SLC6A6: variants seen among roughly 807,000 people sequenced by gnomAD.
SLC6A6 encodes solute carrier family 6 member 6, also known as sodium- and chloride-dependent taurine transporter.
In SLC6A6, 16 loss-of-function variants were observed where a neutral mutation model predicts 68.8. That is an observed-to-expected ratio of 0.23 (90% confidence interval 0.16 to 0.35). SLC6A6 has a LOEUF of 0.35. SLC6A6 is among the 10% of genes least tolerant of loss of function. SLC6A6 has a pLI of 1.00. For missense variants in SLC6A6, 474 were observed against 802.8 expected, an observed-to-expected ratio of 0.59 and a Z score of 4.95; for synonymous variants, 312 against 315.4, an observed-to-expected ratio of 0.99 and a Z score of 0.12.
In SLC6A6 at chr3:14,467,954, C is replaced by G; in HGVS notation, c.969C>G (p.Tyr323Ter). The stretch of plus-strand genomic sequence containing the variant: ...ACAACAAGTACAAGTATAACTCGTA[C>G]AGGCAAGTGTTGCGCCGGCGGGCCT... ...GSYNKYKYNS[Y>*]RDCMLLGCLN... The change falls in exon 8 of 15, where the codon TAC becomes TAG. Residue 323 changes from tyrosine (Y) to a stop codon, truncating the protein, a stop_gained and splice_region_variant. Coordinates refer to ENST00000622186, the MANE Select transcript of SLC6A6 (RefSeq NM_003043.6). LOFTEE classifies it high-confidence loss of function. 1 of 1,612,078 alleles carries G rather than the reference C, an allele frequency of 6.2e-7. No homozygotes were observed. Among genetic ancestry groups the G allele is most frequent in the Non-Finnish European group, 8.5e-7 (1 of 1,178,270 alleles).
rs575857011 is a variant in SLC6A6, at chr3:14,487,978, A to G, written c.*2971A>G. The G allele has an allele frequency of 6.5e-6, 1 of 152,752 alleles. No homozygotes were observed. Among genetic ancestry groups the G allele is most frequent in the Admixed American group, 6.5e-5 (1 of 15,300 alleles). The allele number at this position is 152,752 out of a possible 1,614,324, so 9.5% of individuals were successfully genotyped here. A position where few individuals can be genotyped will look rare whatever the true frequency, so the allele number is the denominator to read the frequency against. On this transcript the variant is annotated 3_prime_UTR_variant, in exon 15 of 15. Transcript: ENST00000622186. Reference sequence around the variant, plus strand: ...GCCACACTCCCACCATCCTCACAGAATTCCTGGACCCATGCGGTGGCTCCG... The same window carrying G: ...GCCACACTCCCACCATCCTCACAGAGTTCCTGGACCCATGCGGTGGCTCCG...
intron 14 of SLC6A6, among the ~76,000 whole-genome samples, chr3:14,484,350 A>G (rs955618539): frequency 6.6e-6 from 1 of 152,192 alleles, no homozygotes; most frequent in Non-Finnish European, 1.5e-5. Context: ...TGCCTTCAGG[A>G]AACTAGGGAA....
intron 6 of SLC6A6, among the ~76,000 whole-genome samples, chr3:14,459,210 CA>C (rs2124968857): frequency 6.6e-6 from 1 of 152,234 alleles, no homozygotes; most frequent in East Asian, 1.9e-4. Context: ...TCTTTAAGAT[CA>C]AAAAACCCCC....
Position 14,486,307 on chromosome 3 carries a change from C to T in SLC6A6, c.*1300C>T, listed in dbSNP as rs964217776. 1 of 152,636 alleles carries T rather than the reference C, an allele frequency of 6.6e-6. No homozygotes were observed. Among genetic ancestry groups the T allele is most frequent in the Admixed American group, 6.5e-5 (1 of 15,282 alleles). 9.5% of individuals were successfully genotyped at this position (152,636 alleles called of 1,614,324 possible). On this transcript the variant is annotated 3_prime_UTR_variant, in exon 15 of 15. Coordinates refer to ENST00000622186, the MANE Select transcript of SLC6A6 (RefSeq NM_003043.6). ...CCAAGAACAGCTTTTGAGTCTGTAT[C>T]CTCCACTGGGGGAAGTGCTCCCAGT... is the stretch of plus-strand genomic sequence containing the variant.
At chr3:14,463,650 G>A (rs1008763821) in intron 6 of SLC6A6, among the ~76,000 whole-genome samples, 5 of 152,256 alleles carry the variant, frequency 3.3e-5, no homozygotes, top group Non-Finnish European at 5.9e-5. Context: ...GAAGGGAGAG[G>A]CAGGTTGGTT....
chr3:14,477,074 G>A lies in SLC6A6; in HGVS notation c.1210-131G>A, dbSNP rs1700895300. Reference sequence around the variant, plus strand: ...TTCCACACTTGGACTTGATCTCACAGGCCAATTCTGGACACAAGGATGGTC... The same window carrying A: ...TTCCACACTTGGACTTGATCTCACAAGCCAATTCTGGACACAAGGATGGTC... On this transcript the variant is annotated intron_variant, in intron 10 of 14. Transcript: ENST00000622186. This position sits in a 1 kb window ranked among gnomAD's most constrained non-coding sequence, Gnocchi z 4.2. The A allele has an allele frequency of 7.1e-6, 6 of 841,444 alleles. No individual in the cohort carries two copies. Among genetic ancestry groups the A allele is most frequent in the Middle Eastern group, 3.7e-4 (1 of 2,708 alleles). 52.1% of individuals were successfully genotyped at this position (841,444 alleles called of 1,614,324 possible).
intron 2 of SLC6A6, among the ~76,000 whole-genome samples, chr3:14,433,897 G>A (rs185560915): frequency 4.4e-4 from 67 of 151,998 alleles, no homozygotes; most frequent in African/African-American, 1.5e-3. Context: ...GAAGGGAAGG[G>A]TTGGTGGTCA....
chr3:14,469,426 G>A (rs1027636408), intron 9 of SLC6A6, among the ~76,000 whole-genome samples: 1 of 152,202 alleles, frequency 6.6e-6, no homozygotes, highest in African/African-American at 2.4e-5. Context: ...TTTGGAACAT[G>A]AGGCGATGTC....
At position 14,424,764 on chromosome 3, in the gene SLC6A6, G is replaced by C. The variant is rs779080817; in HGVS notation, c.-12+8311G>C. On this transcript the variant is annotated intron_variant, in intron 2 of 14. Transcript: ENST00000622186. ...AAACACCGCTGCAGGAGAATCACAG[G>C]CACGGCCACAAGTCTCCAGAGGAAA... is the stretch of plus-strand genomic sequence containing the variant. Among the ~76,000 whole-genome samples, 5 of 152,180 alleles carry C rather than the reference G, an allele frequency of 3.3e-5. No individual in the cohort carries two copies. In the South Asian group the frequency reaches 6.2e-4, roughly 19 times the overall value.
intron 2 of SLC6A6, among the ~76,000 whole-genome samples, chr3:14,420,953 T>A (rs1009014866): frequency 3.2e-4 from 49 of 152,226 alleles, no homozygotes; most frequent in African/African-American, 1.2e-3. Flanking sequence ...AGTGGGCGTC[T>A]TTACACGTTG....
At chr3:14,480,209 G>A (rs1700976087) in intron 13 of SLC6A6, among the ~76,000 whole-genome samples, 2 of 152,190 alleles carry the variant, frequency 1.3e-5, no homozygotes, top group Admixed American at 6.5e-5. Flanking sequence ...CCTCTGAAGT[G>A]CAGACTTTCT....
At chr3:14,452,074 C>T (rs1172543889) in intron 5 of SLC6A6, among the ~76,000 whole-genome samples, 1 of 152,126 alleles carries the variant, frequency 6.6e-6, no homozygotes, top group Non-Finnish European at 1.5e-5. Flanking sequence ...ACCAGGGGAG[C>T]GGAGCCATCT....
intron 5 of SLC6A6, among the ~76,000 whole-genome samples, chr3:14,456,211 C>A (rs1175571352): frequency 1.3e-5 from 2 of 152,254 alleles, no homozygotes; most frequent in Non-Finnish European, 2.9e-5. Context: ...TTGCTGGTAG[C>A]TTTTATTTCG....
chr3:14,408,481 C>T (rs976136856), intron 1 of SLC6A6, among the ~76,000 whole-genome samples: 19 of 151,990 alleles, frequency 1.3e-4, no homozygotes, highest in African/African-American at 2.9e-4. Flanking sequence ...ACTACCGGCA[C>T]GTGCCATTAT....
At chr3:14,428,843 GA>G (rs1262148139) in intron 2 of SLC6A6, among the ~76,000 whole-genome samples, 2 of 152,306 alleles carry the variant, frequency 1.3e-5, no homozygotes, top group South Asian at 2.1e-4. Flanking sequence ...TGCTGTTGGG[GA>G]AGTCCCACCT....
chr3:14,472,306 C>A lies in SLC6A6; in HGVS notation c.1198C>A (p.Leu400Met). The change falls in exon 10 of 15, where the codon CTG becomes ATG. Residue 400 changes from leucine (L) to methionine (M), a missense_variant. Physicochemically the swap from Leu to Met is conservative, Grantham distance 15. Around this residue, in one of 2 missense-constraint regions of SLC6A6, gnomAD observed 280 missense variants for 533.1 expected, o/e 0.53. Coordinates refer to ENST00000622186, the MANE Select transcript of SLC6A6 (RefSeq NM_003043.6). The surrounding 1 kb of genome is among the most constrained non-coding windows in gnomAD (Gnocchi z 4.5). ...TTTTATTATGCTTCTCTTGCTTGGACTGGATAGCCAGGTGCGTATAAGGGA... is the reference window on the plus strand; with the variant it reads ...TTTTATTATGCTTCTCTTGCTTGGAATGGATAGCCAGGTGCGTATAAGGGA... ...LFFIMLLLLG[L>M]DSQFVEVEGQ... The A allele has an allele frequency of 5.0e-6, 8 of 1,601,458 alleles. No individual in the cohort carries two copies. The highest frequency in any genetic ancestry group is 6.8e-6 in the Non-Finnish European group (8 of 1,168,484).
intron 2 of SLC6A6, among the ~76,000 whole-genome samples, chr3:14,427,984 G>GCTTT (rs1388435319): frequency 6.6e-6 from 1 of 152,202 alleles, no homozygotes; most frequent in Non-Finnish European, 1.5e-5. Context: ...CCTCCACTCT[G>GCTTT]CTTTCTGCCC....
Position 14,477,173 on chromosome 3 carries a change from C to T in SLC6A6, c.1210-32C>T, listed in dbSNP as rs186470131. The T allele has an allele frequency of 4.2e-4, 666 of 1,599,020 alleles. No homozygotes were observed. Among genetic ancestry groups the T allele is most frequent in the Non-Finnish European group, 4.9e-4 (572 of 1,169,508 alleles). On this transcript the variant is annotated intron_variant, in intron 10 of 14. Coordinates refer to ENST00000622186, the MANE Select transcript of SLC6A6 (RefSeq NM_003043.6). The surrounding 1 kb of genome is among the most constrained non-coding windows in gnomAD (Gnocchi z 4.2). ...AGGCAAGGGTGGCCTGAGCGTCAGC[C>T]GCTCACCAGCTCTCTCTCTTCCCCT...
chr3:14,477,172 C>CCG lies in SLC6A6; in HGVS notation c.1210-31_1210-30dup. On this transcript the variant is annotated intron_variant, in intron 10 of 14. Coordinates refer to ENST00000622186, the MANE Select transcript of SLC6A6 (RefSeq NM_003043.6). This position sits in a 1 kb window ranked among gnomAD's most constrained non-coding sequence, Gnocchi z 4.2. ...CAGGCAAGGGTGGCCTGAGCGTCAG[C>CCG]CGCTCACCAGCTCTCTCTCTTCCCC... 6.3e-7 allele frequency: 1 copy of CCG among 1,596,744 alleles called. No homozygotes were observed. Among genetic ancestry groups the CCG allele is most frequent in the Non-Finnish European group, 8.6e-7 (1 of 1,167,646 alleles).
Sources: allele counts gnomAD v4.1 joint callset (sites outside exome capture counted in the v4.1 genomes callset), GRCh38; gene constraint gnomAD v4.1.1; regional missense constraint gnomAD v4.1.1; non-coding constraint Gnocchi (gnomAD v3.1); transcripts MANE v1.5; gene names NCBI Gene and HGNC (gene_info 2026-07-23, HGNC 2026-07-21).